PLAAT3: variants seen among roughly 807,000 people sequenced by gnomAD.
The protein encoded by PLAAT3 is phospholipase A and acyltransferase 3, also known as Ca-independent phospholipase A1/2.
In PLAAT3, 21 loss-of-function variants were observed where a neutral mutation model predicts 16.7. The ratio of observed to expected loss-of-function variants is 1.26; its 90% CI spans 0.89 to 1.81. The LOEUF is 1.81. PLAAT3 is among the 40% of genes most tolerant of loss of function. The pLI is 0.00. For synonymous variants in PLAAT3, 76 were observed against 81.7 expected, an observed-to-expected ratio of 0.93 and a Z score of 0.38; for missense variants, 219 against 213.7, an observed-to-expected ratio of 1.02 and a Z score of -0.16.
At chr11:63,604,482 G>A (rs982984933) in intron 2 of PLAAT3, among the ~76,000 whole-genome samples, 2 of 152,142 alleles carry the variant, frequency 1.3e-5, no homozygotes, top group Admixed American at 1.3e-4. Context: ...TATATTCTAG[G>A]CCGGGCGCGG....
chr11:63,615,308 A>ATG (rs1288555363), upstream of PLAAT3, among the ~76,000 whole-genome samples: 2 of 59,568 alleles, frequency 3.4e-5, 1 homozygote, highest in African/African-American at 8.6e-5. Flanking sequence ...GTGTGTATAT[A>ATG]TGTGTGTATA....
At chr11:63,607,289 T>C (rs1938591954) in intron 2 of PLAAT3, among the ~76,000 whole-genome samples, 2 of 151,866 alleles carry the variant, frequency 1.3e-5, no homozygotes, top group South Asian at 2.1e-4. Context: ...CTAGGGGTCA[T>C]GGTTTAGAAT....
At position 63,574,674 on chromosome 11, in the gene PLAAT3, G is replaced by A. The variant is rs949187842; in HGVS notation, c.*271C>T. On this transcript the variant is annotated 3_prime_UTR_variant, in exon 5 of 5. Transcript: ENST00000415826. ...TAACTGGAGCTGGACTCTGCCTCCT[G>A]CAATGCAAAGAACACAGCACGCAAA... The A allele has an allele frequency of 9.1e-5, 37 of 404,758 alleles. No homozygotes were observed. The highest frequency in any genetic ancestry group is 7.4e-4 in the African/African-American group (36 of 48,588). 25.1% of individuals were successfully genotyped at this position (404,758 alleles called of 1,614,324 possible).
At chr11:63,613,932 C>T (rs1938759724) in intron 2 of PLAAT3, 68 bp downstream of exon 2, 1 of 993,734 alleles carries the variant, frequency 1.0e-6, no homozygotes, top group East Asian at 2.5e-5. Context: ...ATTCAGGCTC[C>T]GAGACAACGA....
At chr11:63,605,843 C>T (rs769978832) in intron 2 of PLAAT3, among the ~76,000 whole-genome samples, 19 of 152,056 alleles carry the variant, frequency 1.2e-4, no homozygotes, top group East Asian at 3.9e-4. Flanking sequence ...TGAGCCACCG[C>T]GCCTGGCCCT....
chr11:63,583,524 T>C (rs1451363369), intron 4 of PLAAT3, among the ~76,000 whole-genome samples: 1 of 152,048 alleles, frequency 6.6e-6, no homozygotes, highest in East Asian at 1.9e-4. Context: ...AGTCAAAGAG[T>C]ATGATTAAAC....
chr11:63,592,337 T>A (rs1285593864), intron 3 of PLAAT3, among the ~76,000 whole-genome samples: 2 of 152,092 alleles, frequency 1.3e-5, no homozygotes, highest in African/African-American at 4.8e-5. Flanking sequence ...CAGCTAATTT[T>A]TATATTTTCA....
At chr11:63,587,439 ATAT>A (rs1298540591) in intron 4 of PLAAT3, among the ~76,000 whole-genome samples, 2 of 152,154 alleles carry the variant, frequency 1.3e-5, no homozygotes, top group South Asian at 2.1e-4. Context: ...GAAAAAAAAA[ATAT>A]TATTTCTAAC....
chr11:63,578,419 A>C (rs1937687922), intron 4 of PLAAT3, among the ~76,000 whole-genome samples: 1 of 152,232 alleles, frequency 6.6e-6, no homozygotes, highest in African/African-American at 2.4e-5. Flanking sequence ...AGCAGGGAGA[A>C]AAACAGGAAA....
At chr11:63,579,542 C>T (rs1341183054) in intron 4 of PLAAT3, among the ~76,000 whole-genome samples, 1 of 151,746 alleles carries the variant, frequency 6.6e-6, no homozygotes, top group Non-Finnish European at 1.5e-5. Flanking sequence ...ACTATGCAGC[C>T]ATAAAAAATG....
chr11:63,599,635 G>A (rs1938374051), intron 2 of PLAAT3, among the ~76,000 whole-genome samples: 1 of 152,060 alleles, frequency 6.6e-6, no homozygotes, highest in African/African-American at 2.4e-5. Context: ...CCAAAATAGA[G>A]GGCACTCAGT....
At position 63,590,335 on chromosome 11, in the gene PLAAT3, A is replaced by T; in HGVS notation, c.152T>A (p.Met51Lys). 1 of 1,613,900 alleles carries T rather than the reference A, an allele frequency of 6.2e-7. No individual in the cohort carries two copies. The highest frequency in any genetic ancestry group is 1.1e-5 in the South Asian group (1 of 91,078). ...GATGGCCTTGTCAGTCAGGGCGGAC[A>T]TGACACTGGCTGCACCAGCTCCTGC... ...EVAGAGAASV[M>K]SALTDKAIVK... is the part of the protein sequence containing the mutation. Residue 51 changes from methionine to lysine, a missense_variant, in exon 4 of 5, where the codon ATG becomes AAG. Coordinates refer to ENST00000415826, the MANE Select transcript of PLAAT3 (RefSeq NM_001128203.2).
At chr11:63,602,160 C>T (rs1265071228) in intron 2 of PLAAT3, among the ~76,000 whole-genome samples, 1 of 151,144 alleles carries the variant, frequency 6.6e-6, no homozygotes, top group Non-Finnish European at 1.5e-5. Context: ...CGTGGTGGTG[C>T]ACATCTGTAA....
chr11:63,601,137 C>G (rs1938418715), intron 2 of PLAAT3, among the ~76,000 whole-genome samples: 1 of 148,880 alleles, frequency 6.7e-6, no homozygotes, highest in Non-Finnish European at 1.5e-5. Flanking sequence ...TCACTGCAAG[C>G]TCCGCTTCCC....
intron 4 of PLAAT3, among the ~76,000 whole-genome samples, chr11:63,577,477 T>A (rs1937647989): frequency 6.6e-6 from 1 of 152,130 alleles, no homozygotes; most frequent in Non-Finnish European, 1.5e-5. Context: ...GCCAGGCAAG[T>A]GTACTTTTAA....
chr11:63,606,563 G>A (rs1938571104), intron 2 of PLAAT3, among the ~76,000 whole-genome samples: 1 of 152,198 alleles, frequency 6.6e-6, no homozygotes, highest in South Asian at 2.1e-4. Context: ...CTGAGCGCTG[G>A]TGGGGTGGGG....
At chr11:63,581,745 G>A (rs925181056) in intron 4 of PLAAT3, among the ~76,000 whole-genome samples, 19 of 152,038 alleles carry the variant, frequency 1.2e-4, no homozygotes, top group African/African-American at 3.1e-4. Context: ...TTGTCATCAC[G>A]GTCCTACCAA....
chr11:63,598,141 A>C lies in PLAAT3; in HGVS notation c.38T>G (p.Leu13Arg). The change falls in exon 3 of 5, where the codon CTG becomes CGG. Residue 13 changes from leucine to arginine, a missense_variant. Coordinates refer to ENST00000415826, the MANE Select transcript of PLAAT3 (RefSeq NM_001128203.2). ...APIPEPKPGD[L>R]IEIFRPFYRH... ...GTAGAAAGGGCGAAAAATCTCAATCAGGTCTCCAGGCTTAGGCTCTGGCTG... is the reference window on the plus strand; with the variant it reads ...GTAGAAAGGGCGAAAAATCTCAATCCGGTCTCCAGGCTTAGGCTCTGGCTG... 6.2e-7 allele frequency: 1 copy of C among 1,613,792 alleles called. No individual in the cohort carries two copies. The highest frequency in any genetic ancestry group is 8.5e-7 in the Non-Finnish European group (1 of 1,179,700).
At chr11:63,601,687 G>A (rs1240988177) in intron 2 of PLAAT3, among the ~76,000 whole-genome samples, 1 of 152,060 alleles carries the variant, frequency 6.6e-6, no homozygotes, top group African/African-American at 2.4e-5. Flanking sequence ...ATAAATTAAA[G>A]ATACATGGCC....
Sources: gnomAD v4.1 joint callset for allele counts (sites outside exome capture counted in the v4.1 genomes callset) on GRCh38, gnomAD v4.1.1 for gene constraint, MANE v1.5 for transcripts, NCBI Gene and HGNC (gene_info 2026-07-23, HGNC 2026-07-21) for gene names.